RSPO3: variants seen among roughly 807,000 people sequenced by gnomAD.
RSPO3 encodes R-spondin 3.
RSPO3 carries 17 observed loss-of-function variants against 36.5 expected under a neutral mutation model. That is an observed-to-expected ratio of 0.47 (90% CI 0.32 to 0.70). The LOEUF is 0.70. RSPO3 is among the 30% of genes least tolerant of loss of function. The pLI, the probability that RSPO3 is intolerant of heterozygous loss-of-function variation, is 0.04. For synonymous variants in RSPO3, 108 were observed against 107.0 expected (o/e 1.01, Z -0.06); for missense variants, 294 against 322.5 (o/e 0.91, Z 0.68).
At chr6:127,153,995 T>G (rs1774541816) in intron 3 of RSPO3, among the ~76,000 whole-genome samples, 1 of 152,166 alleles carries the variant, frequency 6.6e-6, no homozygotes, top group Non-Finnish European at 1.5e-5. Context: ...TTCAATAAAG[T>G]TCATTTCATT....
At chr6:127,160,719 G>A (rs569989489) in intron 4 of RSPO3, among the ~76,000 whole-genome samples, 2 of 152,248 alleles carry the variant, frequency 1.3e-5, no homozygotes, top group Admixed American at 6.5e-5. Flanking sequence ...AACTGACATG[G>A]CACATTGGTG....
At chr6:127,181,923 G>C (rs990004718) in intron 4 of RSPO3, among the ~76,000 whole-genome samples, 7 of 151,762 alleles carry the variant, frequency 4.6e-5, no homozygotes, top group African/African-American at 1.7e-4. Context: ...AAAAAAAGAG[G>C]TTTATTTGGC....
chr6:127,172,923 T>C (rs1774970324), intron 4 of RSPO3, among the ~76,000 whole-genome samples: 1 of 151,774 alleles, frequency 6.6e-6, no homozygotes, highest in Non-Finnish European at 1.5e-5. Context: ...TATAACTACC[T>C]TAAGAATGTC....
At chr6:127,172,174 G>A (rs1774950475) in intron 4 of RSPO3, among the ~76,000 whole-genome samples, 1 of 149,852 alleles carries the variant, frequency 6.7e-6, no homozygotes, top group Admixed American at 6.7e-5. Flanking sequence ...TATTAATCTG[G>A]ACAATTGGCT....
intron 1 of RSPO3, among the ~76,000 whole-genome samples, chr6:127,136,140 C>T (rs1045474581): frequency 3.3e-5 from 5 of 152,158 alleles, no homozygotes; most frequent in African/African-American, 1.2e-4. Flanking sequence ...CCAAATGCTA[C>T]ACAGCAGATG....
Position 127,155,435 on chromosome 6 carries a change from C to G in RSPO3, c.631C>G (p.Arg211Gly), listed in dbSNP as rs770169474. ...VQRKKCQKGE[R>G]GKKGRERKRK... Reference sequence around the variant, plus strand: ...AAGGAAGAAGTGTCAGAAGGGAGAACGAGGTACAATCATAATAACAAAATG... The same window carrying G: ...AAGGAAGAAGTGTCAGAAGGGAGAAGGAGGTACAATCATAATAACAAAATG... The change falls in exon 4 of 5, where the codon CGA becomes GGA. Residue 211 changes from arginine to glycine, a missense_variant. Physicochemically the swap from Arg to Gly is moderately radical, Grantham distance 125 (BLOSUM62 -2). Transcript: ENST00000356698. 2.5e-6 allele frequency: 4 copies of G among 1,612,346 alleles called. No individual in the cohort carries two copies. In the South Asian group the frequency reaches 3.3e-5, roughly 13 times the overall value.
chr6:127,149,338 A>G (rs1346438620), intron 2 of RSPO3, among the ~76,000 whole-genome samples: 3 of 152,082 alleles, frequency 2.0e-5, no homozygotes, highest in Admixed American at 2.0e-4. Flanking sequence ...ATTAGGAAAT[A>G]CCACTCTATT....
rs1029078238 is a variant in RSPO3 at position 127,197,231 on chromosome 6, G to C, written c.*1224G>C. ...GAGCCAATGGAGATTTACTTATAGC[G>C]TATTAGGAGATATTTATTCCATTTT... On this transcript the variant is annotated 3_prime_UTR_variant, in exon 5 of 5. Coordinates refer to ENST00000356698, the MANE Select transcript of RSPO3 (RefSeq NM_032784.5). The C allele has an allele frequency of 4.8e-6, 3 of 630,694 alleles. No individual in the cohort carries two copies. The African/African-American group carries it at 5.5e-5, about 12-fold the overall frequency. 39.1% of individuals were successfully genotyped at this position (630,694 alleles called of 1,614,324 possible). A position where few individuals can be genotyped will look rare whatever the true frequency, so the allele number is the denominator to read the frequency against.
At chr6:127,123,020 T>C (rs1773875144) in intron 1 of RSPO3, among the ~76,000 whole-genome samples, 1 of 152,224 alleles carries the variant, frequency 6.6e-6, no homozygotes, top group Admixed American at 6.5e-5. Context: ...TTGCACAATC[T>C]ATAAAACTTC....
chr6:127,147,959 T>C (rs566506116), intron 1 of RSPO3, among the ~76,000 whole-genome samples: 1 of 152,312 alleles, frequency 6.6e-6, no homozygotes, highest in South Asian at 2.1e-4. Flanking sequence ...TTCACCATTA[T>C]ATCTATTTGA....
intron 4 of RSPO3, among the ~76,000 whole-genome samples, chr6:127,170,460 C>A (rs373504800): frequency 7.8e-6 from 1 of 128,050 alleles, no homozygotes; most frequent in Admixed American, 7.9e-5. Flanking sequence ...CACAAATATA[C>A]ATATATATAT....
intron 1 of RSPO3, among the ~76,000 whole-genome samples, chr6:127,138,504 C>T (rs1282618409): frequency 6.6e-6 from 1 of 152,066 alleles, no homozygotes; most frequent in Non-Finnish European, 1.5e-5. Context: ...GATAAAGCTG[C>T]CAGCTGCTTC....
rs555649077 is a variant in RSPO3 at position 127,197,260 on chromosome 6, A to G, written c.*1253A>G. 2.3e-4 allele frequency: 183 copies of G among 797,550 alleles called. No homozygotes were observed. In the Middle Eastern group the frequency reaches 0.011, roughly 46 times the overall value. 49.4% of individuals were successfully genotyped at this position (797,550 alleles called of 1,614,324 possible). On this transcript the variant is annotated 3_prime_UTR_variant, in exon 5 of 5. Transcript: ENST00000356698. ...TAGGAGATATTTATTCCATTTTCTT[A>G]TTTTAATCAACATTCTAATTATAGA...
chr6:127,188,813 C>A (rs1335797197), intron 4 of RSPO3, among the ~76,000 whole-genome samples: 1 of 152,158 alleles, frequency 6.6e-6, no homozygotes, highest in Non-Finnish European at 1.5e-5. Flanking sequence ...AGAAAGTACA[C>A]TCCAAATCTT....
At chr6:127,167,011 A>C (rs1198860195) in intron 4 of RSPO3, among the ~76,000 whole-genome samples, 1 of 152,072 alleles carries the variant, frequency 6.6e-6, no homozygotes, top group Non-Finnish European at 1.5e-5. Context: ...ATTAGAGATT[A>C]ACCTTTTGTC....
Position 127,119,143 on chromosome 6 carries a change from TAAC to T in RSPO3, c.-47_-45del, listed in dbSNP as rs1466234603. ...ATATTTTAAAAACATTAAATATAAT[TAAC>T]AATCAAAAGAAAGAGGAGAAAGGAA... On this transcript the variant is annotated 5_prime_UTR_variant, in exon 1 of 5. Coordinates refer to ENST00000356698, the MANE Select transcript of RSPO3 (RefSeq NM_032784.5). 2.2e-6 allele frequency: 3 copies of T among 1,348,436 alleles called. No homozygotes were observed. Among genetic ancestry groups the T allele is most frequent in the Non-Finnish European group, 3.2e-6 (3 of 946,676 alleles). The allele number at this position is 1,348,436 out of a possible 1,614,324, so 83.5% of individuals were successfully genotyped here. A position where few individuals can be genotyped will look rare whatever the true frequency, so the allele number is the denominator to read the frequency against.
intron 4 of RSPO3, among the ~76,000 whole-genome samples, chr6:127,163,556 TCTCA>T (rs1774752223): frequency 6.6e-6 from 1 of 152,080 alleles, no homozygotes. Flanking sequence ...TCCACTTTGT[TCTCA>T]CTCTCTTCTA....
At chr6:127,178,850 A>G (rs556268289) in intron 4 of RSPO3, among the ~76,000 whole-genome samples, 1 of 151,820 alleles carries the variant, frequency 6.6e-6, no homozygotes, top group Admixed American at 6.6e-5. Context: ...CCAGCCAAAG[A>G]AAGTCTCTGA....
intron 4 of RSPO3, among the ~76,000 whole-genome samples, chr6:127,183,970 C>T (rs919519659): frequency 6.6e-5 from 10 of 151,828 alleles, no homozygotes; most frequent in South Asian, 4.2e-4. Context: ...CTTCATATGG[C>T]GGAAGGAAGA....
Sources: gnomAD v4.1 joint callset for allele counts (sites outside exome capture counted in the v4.1 genomes callset) on GRCh38, gnomAD v4.1.1 for gene constraint, MANE v1.5 for transcripts, NCBI Gene and HGNC (gene_info 2026-07-23, HGNC 2026-07-21) for gene names.